PSME3IP1: variants seen among roughly 807,000 people sequenced by gnomAD.
PSME3IP1 encodes proteasome activator subunit 3 interacting protein 1.
A neutral mutation model predicts 34.1 loss-of-function variants in PSME3IP1; 13 were observed. The ratio of observed to expected loss-of-function variants is 0.38; its 90% CI spans 0.25 to 0.61. The LOEUF is 0.61. Ranked by LOEUF, PSME3IP1 falls within the 20% of genes least tolerant of loss-of-function variation. The pLI, the probability that PSME3IP1 is intolerant of heterozygous loss-of-function variation, is 0.60. For missense variants in PSME3IP1, 237 were observed against 301.4 expected (o/e 0.79, Z 1.58); for synonymous variants, 93 against 114.3 (o/e 0.81, Z 1.19).
intron 6 of PSME3IP1, among the ~76,000 whole-genome samples, chr16:57,155,657 G>A (rs1301100294): frequency 6.6e-6 from 1 of 152,102 alleles, no homozygotes; most frequent in Non-Finnish European, 1.5e-5. Context: ...CAAAAAATTA[G>A]CTGGGTGTGG....
chr16:57,163,853 C>T (rs2071550054), intron 6 of PSME3IP1, 148 bp downstream of exon 6: 1 of 767,250 alleles, frequency 1.3e-6, no homozygotes, highest in African/African-American at 1.7e-5. Context: ...TAAAATCCTG[C>T]CTGGCATAAA....
chr16:57,184,338 T>G (rs2073975736), intron 1 of PSME3IP1, among the ~76,000 whole-genome samples: 1 of 151,872 alleles, frequency 6.6e-6, no homozygotes, highest in Admixed American at 6.6e-5. Context: ...ATCCACAGAT[T>G]CAAGAAGTCT....
rs1162280207 is a variant in PSME3IP1 at position 57,153,455 on chromosome 16, G to C, written c.*835C>G. The C allele has an allele frequency of 6.6e-6, 1 of 152,244 alleles. No homozygotes were observed. Among genetic ancestry groups the C allele is most frequent in the Non-Finnish European group, 1.5e-5 (1 of 68,048 alleles). 9.4% of individuals were successfully genotyped at this position (152,244 alleles called of 1,614,324 possible). On this transcript the variant is annotated 3_prime_UTR_variant, in exon 7 of 7. Transcript: ENST00000309137. ...GGATTCCAGGAGCTGCCAGAAATAA[G>C]TCATCTCATTAACATACCTACCTGC...
chr16:57,168,015 T>A (rs2072102910), intron 4 of PSME3IP1, among the ~76,000 whole-genome samples: 1 of 152,170 alleles, frequency 6.6e-6, no homozygotes, highest in African/African-American at 2.4e-5. Context: ...GGCCCCATAT[T>A]TTTGTCGGGG....
intron 1 of PSME3IP1, among the ~76,000 whole-genome samples, chr16:57,184,178 A>C (rs1373928653): frequency 2.6e-5 from 4 of 152,196 alleles, no homozygotes; most frequent in Non-Finnish European, 5.9e-5. Flanking sequence ...AATTATCCAG[A>C]ATGTACTACG....
At chr16:57,171,096 G>A (rs2072527697) in intron 4 of PSME3IP1, among the ~76,000 whole-genome samples, 1 of 151,962 alleles carries the variant, frequency 6.6e-6, no homozygotes, top group South Asian at 2.1e-4. Flanking sequence ...TGATATTACC[G>A]ACAGCAATTT....
chr16:57,160,785 A>T (rs1455972696), intron 6 of PSME3IP1, among the ~76,000 whole-genome samples: 1 of 152,242 alleles, frequency 6.6e-6, no homozygotes, highest in East Asian at 1.9e-4. Context: ...AGAGTAGGTT[A>T]GATTAAAATA....
rs181468525 is a variant in PSME3IP1 at position 57,155,921 on chromosome 16, G to A, written c.548-1414C>T. On this transcript the variant is annotated intron_variant, in intron 6 of 6. Transcript: ENST00000309137. Reference sequence around the variant, plus strand: ...GGAGTTCAAGGTTACAGTGAGCTATGATGGCACCACTGTACTCCAGCCTGG... The same window carrying A: ...GGAGTTCAAGGTTACAGTGAGCTATAATGGCACCACTGTACTCCAGCCTGG... Among the ~76,000 whole-genome samples the A allele has an allele frequency of 2.6e-5, 4 of 152,186 alleles. No homozygotes were observed. The East Asian group carries it at 5.8e-4, about 22-fold the overall frequency.
intron 1 of PSME3IP1, among the ~76,000 whole-genome samples, chr16:57,179,286 A>C (rs1388399116): frequency 6.6e-6 from 1 of 152,232 alleles, no homozygotes; most frequent in East Asian, 1.9e-4. Flanking sequence ...ACCATTTCAA[A>C]ATTCACTTTG....
At chr16:57,164,807 G>A (rs906860206) in intron 5 of PSME3IP1, among the ~76,000 whole-genome samples, 2 of 152,088 alleles carry the variant, frequency 1.3e-5, no homozygotes, top group Non-Finnish European at 2.9e-5. Context: ...CAAGACGGAC[G>A]GATCACCTGA....
intron 4 of PSME3IP1, among the ~76,000 whole-genome samples, chr16:57,170,978 C>A (rs1341782232): frequency 2.0e-5 from 3 of 151,996 alleles, no homozygotes; most frequent in African/African-American, 7.3e-5. Context: ...GAGGCTGAGA[C>A]AGGAGAATCG....
Position 57,154,621 on chromosome 16 carries a change from C to G in PSME3IP1, c.548-114G>C. 1.2e-6 allele frequency: 1 copy of G among 821,384 alleles called. No homozygotes were observed. 50.9% of individuals were successfully genotyped at this position (821,384 alleles called of 1,614,324 possible). ...ATTTTCCCACAGAGGAGCCTTAGAACAATGCTATGCAGCCAATACTATCAT... is the reference window on the plus strand; with the variant it reads ...ATTTTCCCACAGAGGAGCCTTAGAAGAATGCTATGCAGCCAATACTATCAT... On this transcript the variant is annotated intron_variant, in intron 6 of 6. Transcript: ENST00000309137. The surrounding 1 kb of genome is among the most constrained non-coding windows in gnomAD (Gnocchi z 4.0).
Position 57,172,881 on chromosome 16 carries a change from G to A in PSME3IP1, c.128-7C>T, listed in dbSNP as rs2145816292. ...TAAACCTCCTCTGGACATTCTGAAA[G>A]GAAAAGGAGAGGGGAGAGAGGTGGA... On this transcript the variant is annotated splice_region_variant and splice_polypyrimidine_tract_variant and intron_variant, in intron 2 of 6. Coordinates refer to ENST00000309137, the MANE Select transcript of PSME3IP1 (RefSeq NM_024946.4). 5.7e-6 allele frequency: 9 copies of A among 1,573,580 alleles called. No homozygotes were observed. The highest frequency in any genetic ancestry group is 7.9e-6 in the Non-Finnish European group (9 of 1,143,178).
intron 6 of PSME3IP1, among the ~76,000 whole-genome samples, chr16:57,159,256 G>C (rs996109910): frequency 6.6e-5 from 10 of 152,150 alleles, no homozygotes; most frequent in African/African-American, 2.4e-4. Flanking sequence ...AGAAAGAAAA[G>C]AGATTGCAAA....
At chr16:57,155,811 A>C (rs1293400887) in intron 6 of PSME3IP1, among the ~76,000 whole-genome samples, 5 of 151,980 alleles carry the variant, frequency 3.3e-5, no homozygotes, top group African/African-American at 2.4e-5. Context: ...GCCTCAAAAA[A>C]AAACAAAAAA....
rs561710478 is a variant in PSME3IP1 at position 57,164,770 on chromosome 16, GC to G, written c.483-706del. On this transcript the variant is annotated intron_variant, in intron 5 of 6. Transcript: ENST00000309137. The stretch of plus-strand genomic sequence containing the variant: ...GGGAGGCCCGGGTGCGGTGGCTGAC[GC>G]CTGTAATCCCAGCACGTTGGGAGGC... 5.9e-5 allele frequency among the ~76,000 whole-genome samples: 9 copies of G among 152,224 alleles called. No homozygotes were observed. In the East Asian group the frequency reaches 1.4e-3, roughly 23 times the overall value.
At position 57,185,954 on chromosome 16, in the gene PSME3IP1, G is replaced by C. The variant is rs1167906131; in HGVS notation, c.-149C>G. ...GAAAGAAACAGAGGAAGGAATGAAT[G>C]AAAGAAAGAAAAAAAAAAAGAAAAT... On this transcript the variant is annotated 5_prime_UTR_variant, in exon 1 of 7. Coordinates refer to ENST00000309137, the MANE Select transcript of PSME3IP1 (RefSeq NM_024946.4). 4.1e-6 allele frequency: 4 copies of C among 980,874 alleles called. No homozygotes were observed. The highest frequency in any genetic ancestry group is 3.6e-6 in the Non-Finnish European group (3 of 827,838). The allele number at this position is 980,874 out of a possible 1,614,324, so 60.8% of individuals were successfully genotyped here.
intron 6 of PSME3IP1, among the ~76,000 whole-genome samples, chr16:57,161,456 TA>T (rs60950027): frequency 6.6e-6 from 1 of 151,492 alleles, no homozygotes; most frequent in African/African-American, 2.4e-5. Context: ...AATACTTTTT[TA>T]AAAAAAAGCC....
chr16:57,185,693 A>C, intron 1 of PSME3IP1, 128 bp downstream of exon 1: 1 of 985,530 alleles, frequency 1.0e-6, no homozygotes, highest in Non-Finnish European at 1.2e-6. Flanking sequence ...GCTACTCCGG[A>C]CAAGGAGCGG....
Sources: allele counts gnomAD v4.1 joint callset (sites outside exome capture counted in the v4.1 genomes callset), GRCh38; gene constraint gnomAD v4.1.1; non-coding constraint Gnocchi (gnomAD v3.1); transcripts MANE v1.5; gene names NCBI Gene and HGNC (gene_info 2026-07-23, HGNC 2026-07-21).